Variants in C1orf21 observed in about 807,000 individuals in gnomAD.
C1orf21 encodes uncharacterized protein C1orf21.
A neutral mutation model predicts 18.7 loss-of-function variants in C1orf21; 3 were observed. That is an observed-to-expected ratio of 0.16 (90% CI 0.07 to 0.42). The LOEUF (loss-of-function observed/expected upper bound fraction) is 0.42. Among genes scored for constraint, C1orf21 ranks in the 10% least tolerant of loss-of-function variants. The probability of loss-of-function intolerance (pLI) is 0.99; values close to 1 mark genes in which losing one functional copy is unlikely to be tolerated. For missense variants in C1orf21, 104 were observed against 143.6 expected (o/e 0.72, Z 1.41); for synonymous variants, 41 against 46.4 (o/e 0.88, Z 0.47).
At chr1:184,537,444 C>T (rs910182231) in intron 3 of C1orf21, among the ~76,000 whole-genome samples, 4 of 152,114 alleles carry the variant, frequency 2.6e-5, no homozygotes, top group South Asian at 4.1e-4. Context: ...AAGGTCCATC[C>T]GTGTCGTATC....
chr1:184,468,956 C>G (rs943305525), intron 1 of C1orf21, among the ~76,000 whole-genome samples: 1 of 133,458 alleles, frequency 7.5e-6, no homozygotes, highest in Non-Finnish European at 1.6e-5. Context: ...ACAAAAAGGC[C>G]GGGCTTGGTG....
chr1:184,511,255 A>G (rs772751798), intron 3 of C1orf21, among the ~76,000 whole-genome samples: 5 of 152,228 alleles, frequency 3.3e-5, no homozygotes, highest in South Asian at 4.1e-4. Context: ...TAATAAGTGC[A>G]GTAACAGAAC....
At position 184,625,515 on chromosome 1, in the gene C1orf21, A is replaced by G. The variant is rs1659993342; in HGVS notation, c.*5959A>G. The G allele has an allele frequency of 2.0e-5, 3 of 152,636 alleles. No individual in the cohort carries two copies. The highest frequency in any genetic ancestry group is 1.3e-4 in the Admixed American group (2 of 15,278). 9.5% of individuals were successfully genotyped at this position (152,636 alleles called of 1,614,324 possible). The stretch of plus-strand genomic sequence containing the variant: ...GGCAGCTGCCTTATTAGAACTTTAG[A>G]TTCGGATCTATTTTCTTAACACACA... On this transcript the variant is annotated 3_prime_UTR_variant, in exon 6 of 6. Coordinates refer to ENST00000235307, the MANE Select transcript of C1orf21 (RefSeq NM_030806.4).
chr1:184,607,051 A>T (rs10911620), intron 5 of C1orf21, among the ~76,000 whole-genome samples: 1 of 152,098 alleles, frequency 6.6e-6, no homozygotes, highest in Non-Finnish European at 1.5e-5. Flanking sequence ...AATTCTATCA[A>T]GTGCAGGCAC....
At chr1:184,593,438 G>A (rs1659471652) in intron 4 of C1orf21, among the ~76,000 whole-genome samples, 1 of 152,174 alleles carries the variant, frequency 6.6e-6, no homozygotes, top group South Asian at 2.1e-4. Context: ...CTGTACTGAT[G>A]CATAAAATAA....
At chr1:184,488,273 A>G (rs1249923263) in intron 2 of C1orf21, among the ~76,000 whole-genome samples, 1 of 152,228 alleles carries the variant, frequency 6.6e-6, no homozygotes, top group Non-Finnish European at 1.5e-5. Flanking sequence ...TGATGAATAT[A>G]ATATTATGCC....
intron 3 of C1orf21, among the ~76,000 whole-genome samples, chr1:184,540,854 G>A (rs1328274450): frequency 6.6e-6 from 1 of 152,158 alleles, no homozygotes; most frequent in African/African-American, 2.4e-5. Context: ...CACAAATAGC[G>A]TAAATGCCAT....
At chr1:184,435,587 C>T (rs1379133877) in intron 1 of C1orf21, among the ~76,000 whole-genome samples, 1 of 152,152 alleles carries the variant, frequency 6.6e-6, no homozygotes, top group Non-Finnish European at 1.5e-5. Flanking sequence ...AGGTGATCTG[C>T]CCACCTTGAC....
At chr1:184,511,381 C>G (rs529763266) in intron 3 of C1orf21, among the ~76,000 whole-genome samples, 2 of 152,176 alleles carry the variant, frequency 1.3e-5, no homozygotes, top group African/African-American at 4.8e-5. Context: ...GGCATGTGAC[C>G]TAAATTACCA....
intron 2 of C1orf21, among the ~76,000 whole-genome samples, chr1:184,499,624 T>G (rs978709299): frequency 6.6e-6 from 1 of 152,158 alleles, no homozygotes. Flanking sequence ...ATATACTTTA[T>G]TCCTACATCA....
chr1:184,537,656 T>C lies in C1orf21; in HGVS notation c.189+29974T>C, dbSNP rs191484172. 2.5e-3 allele frequency among the ~76,000 whole-genome samples: 375 copies of C among 152,162 alleles called. 1 individual carries two copies. Among genetic ancestry groups the C allele is most frequent in the Non-Finnish European group, 4.6e-3 (311 of 67,972 alleles). ...ACCCTAATTTCAATTCTTTTTATTTTTTCTTTTTTTTGAGACAGAGTCTCA... is the reference window on the plus strand; with the variant it reads ...ACCCTAATTTCAATTCTTTTTATTTCTTCTTTTTTTTGAGACAGAGTCTCA... On this transcript the variant is annotated intron_variant, in intron 3 of 5. Coordinates refer to ENST00000235307, the MANE Select transcript of C1orf21 (RefSeq NM_030806.4).
chr1:184,536,482 C>T (rs946810905), intron 3 of C1orf21, among the ~76,000 whole-genome samples: 16 of 152,260 alleles, frequency 1.1e-4, no homozygotes, highest in Admixed American at 9.8e-4. Context: ...TTCACTCATA[C>T]CCCTTTGACC....
At chr1:184,591,880 A>C (rs995705142) in intron 4 of C1orf21, among the ~76,000 whole-genome samples, 1 of 152,192 alleles carries the variant, frequency 6.6e-6, no homozygotes, top group Non-Finnish European at 1.5e-5. Context: ...ACTATACATC[A>C]GTGAAAATTA....
intron 1 of C1orf21, among the ~76,000 whole-genome samples, chr1:184,417,879 G>A (rs1243298383): frequency 1.3e-5 from 2 of 152,196 alleles, no homozygotes; most frequent in Admixed American, 1.3e-4. Flanking sequence ...ATAAGGCCAG[G>A]TCTGACAGGG....
At position 184,615,454 on chromosome 1, in the gene C1orf21, G is replaced by C. The variant is rs1408393173; in HGVS notation, c.328-4064G>C. The stretch of plus-strand genomic sequence containing the variant: ...AGCTTTCAGTGTGTCCTTTGCACAA[G>C]GGTGGGATTGTGACTAAGATCCTCC... On this transcript the variant is annotated intron_variant, in intron 5 of 5. Transcript: ENST00000235307. Among the ~76,000 whole-genome samples the C allele has an allele frequency of 2.6e-5, 4 of 152,180 alleles. No homozygotes were observed. The East Asian group carries it at 7.7e-4, about 29-fold the overall frequency.
intron 2 of C1orf21, among the ~76,000 whole-genome samples, chr1:184,495,765 C>T (rs1293054854): frequency 1.3e-5 from 2 of 151,644 alleles, no homozygotes; most frequent in Non-Finnish European, 2.9e-5. Context: ...ACTAAAAATA[C>T]AAAAATTAGC....
intron 5 of C1orf21, among the ~76,000 whole-genome samples, chr1:184,616,081 T>C (rs1045293710): frequency 6.6e-6 from 1 of 152,236 alleles, no homozygotes; most frequent in Non-Finnish European, 1.5e-5. Flanking sequence ...TACTATCCTT[T>C]GCACAAGGTA....
intron 1 of C1orf21, among the ~76,000 whole-genome samples, chr1:184,390,033 C>T (rs2102055405): frequency 6.6e-6 from 1 of 152,300 alleles, no homozygotes; most frequent in South Asian, 2.1e-4. Flanking sequence ...TTGAGGGTGG[C>T]CCTAACTAAA....
intron 2 of C1orf21, among the ~76,000 whole-genome samples, chr1:184,498,573 C>G (rs780177770): frequency 6.6e-6 from 1 of 152,194 alleles, no homozygotes; most frequent in Admixed American, 6.5e-5. Flanking sequence ...ACATTTATTC[C>G]TAGCCCTGGA....
Sources: allele counts gnomAD v4.1 joint callset (sites outside exome capture counted in the v4.1 genomes callset), GRCh38; gene constraint gnomAD v4.1.1; transcripts MANE v1.5; gene names NCBI Gene and HGNC (gene_info 2026-07-23, HGNC 2026-07-21).